AFP: variants seen among roughly 807,000 people sequenced by gnomAD.
AFP encodes alpha fetoprotein, also known as alpha-fetoprotein.
Under a neutral mutation model 78.9 loss-of-function variants are expected in AFP, and 64 were observed. That is an observed-to-expected ratio of 0.81 (90% CI 0.66 to 1.00). AFP has a LOEUF of 1.00. Among genes scored for constraint, AFP ranks in the 50% least tolerant of loss-of-function variants. AFP has a pLI of 0.00. For missense variants in AFP, 689 were observed against 703.8 expected (o/e 0.98, Z 0.24); for synonymous variants, 254 against 243.8 (o/e 1.04, Z -0.39).
chr4:73,450,900 T>A, intron 11 of AFP, 147 bp downstream of exon 11: 1 of 1,344,180 alleles, frequency 7.4e-7, no homozygotes, highest in Non-Finnish European at 1.0e-6. Context: ...TGGAGGGGTG[T>A]GAGAACCCAG....
intron 12 of AFP, 132 bp downstream of exon 12, chr4:73,452,756 T>A: frequency 1.3e-6 from 1 of 796,666 alleles, no homozygotes; most frequent in South Asian, 1.5e-5. Context: ...AAAATGCCTT[T>A]GAAAATAGTT....
chr4:73,452,366 A>G (rs1239655660), intron 11 of AFP, 35 bp from the exon 12 acceptor site: 11 of 1,584,966 alleles, frequency 6.9e-6, no homozygotes, highest in Middle Eastern at 1.7e-4. Context: ...CTAATGCCCA[A>G]TCTCCTTACT....
intron 10 of AFP, 44 bp downstream of exon 10, chr4:73,450,177 A>C: frequency 1.4e-6 from 2 of 1,430,454 alleles, no homozygotes; most frequent in Non-Finnish European, 1.9e-6. Flanking sequence ...AAAATTATTA[A>C]AGAGAATGTA....
intron 4 of AFP, 83 bp downstream of exon 4, chr4:73,440,896 ATGTAC>A (rs1719642049): frequency 8.0e-7 from 1 of 1,252,856 alleles, no homozygotes; most frequent in African/African-American, 1.5e-5. Context: ...CAATGTACTC[ATGTAC>A]TCCCAGTAAG....
intron 3 of AFP, among the ~76,000 whole-genome samples, chr4:73,439,085 C>A (rs1331038045): frequency 6.6e-6 from 1 of 152,078 alleles, no homozygotes; most frequent in Admixed American, 6.6e-5. Flanking sequence ...CAAACAACAA[C>A]AAAACATAAT....
chr4:73,437,663 A>G (rs1185260600), intron 2 of AFP, among the ~76,000 whole-genome samples: 4 of 152,054 alleles, frequency 2.6e-5, no homozygotes, highest in African/African-American at 9.7e-5. Context: ...CATTTTAAAA[A>G]TTTCTAACAA....
chr4:73,442,608 T>C (rs2149333952), intron 5 of AFP, among the ~76,000 whole-genome samples, 180 bp downstream of exon 5: 1 of 152,290 alleles, frequency 6.6e-6, no homozygotes, highest in Non-Finnish European at 1.5e-5. Context: ...TTTTATTATC[T>C]ATTCATTAAG....
chr4:73,443,576 A>G (rs1719737647), intron 6 of AFP, 132 bp downstream of exon 6: 1 of 705,474 alleles, frequency 1.4e-6, no homozygotes, highest in African/African-American at 1.8e-5. Context: ...ATGAGGGCTA[A>G]TGGGATTAGA....
intron 14 of AFP, 159 bp downstream of exon 14, chr4:73,455,449 C>T (rs1245549989): frequency 1.5e-6 from 1 of 679,076 alleles, no homozygotes. Context: ...ATTACGCACA[C>T]AATGTTAAAT....
chr4:73,438,189 T>G lies in AFP; in HGVS notation c.153T>G (p.Phe51Leu). The change falls in exon 3 of 15, where the codon TTT (phenylalanine) becomes TTG (leucine). Residue 51 changes from phenylalanine (F) to leucine (L), a missense_variant. By Grantham distance (22) the Phe-to-Leu change is conservative. Transcript: ENST00000395792. Reference protein sequence around the residue: ...ISLADLATIFFAQFVQEATYK... With the variant: ...ISLADLATIFLAQFVQEATYK... Reference sequence around the variant, plus strand: ...TTTGTTTCAGGGCTACCATATTTTTTGCCCAGTTTGTTCAAGAAGCCACTT... The same window carrying G: ...TTTGTTTCAGGGCTACCATATTTTTGGCCCAGTTTGTTCAAGAAGCCACTT... 6.2e-7 allele frequency: 1 copy of G among 1,613,444 alleles called. No individual in the cohort carries two copies. The highest frequency in any genetic ancestry group is 2.2e-5 in the East Asian group (1 of 44,802).
Position 73,440,955 on chromosome 4 carries a change from C to CAAGGT in AFP, c.482+145_482+149dup. On this transcript the variant is annotated intron_variant, in intron 4 of 14. Transcript: ENST00000395792. ...GTGTTGTGTCTGCTGAGGTCCCAGA[C>CAAGGT]AAGGTAATTAGGAGAGCAACATTCA... The CAAGGT allele has an allele frequency of 1.9e-5, 15 of 775,332 alleles. No homozygotes were observed. In the South Asian group the frequency reaches 2.8e-4, roughly 15 times the overall value. The allele number at this position is 775,332 out of a possible 1,614,324, so 48.0% of individuals were successfully genotyped here.
chr4:73,450,287 G>A (rs1719951735), intron 10 of AFP, among the ~76,000 whole-genome samples, 154 bp downstream of exon 10: 2 of 152,192 alleles, frequency 1.3e-5, no homozygotes, highest in African/African-American at 4.8e-5. Flanking sequence ...AATTTTTGCA[G>A]TAAAGATATC....
intron 8 of AFP, among the ~76,000 whole-genome samples, chr4:73,448,913 G>A (rs908594586): frequency 2.6e-5 from 4 of 151,676 alleles, no homozygotes; most frequent in East Asian, 1.9e-4. Context: ...TTGATTTATC[G>A]CTAACTGAAA....
rs747520557 is a variant in AFP at position 73,443,315 on chromosome 4, C to T, written c.616-32C>T. Reference sequence around the variant, plus strand: ...CTTGTAAAGAAAATGTTAGTATATGCTTTCATGACATTTTGTTTCCTCTAC... The same window carrying T: ...CTTGTAAAGAAAATGTTAGTATATGTTTTCATGACATTTTGTTTCCTCTAC... On this transcript the variant is annotated intron_variant, in intron 5 of 14. Coordinates refer to ENST00000395792, the MANE Select transcript of AFP (RefSeq NM_001134.3). The T allele has an allele frequency of 6.0e-6, 9 of 1,499,242 alleles. No individual in the cohort carries two copies. In the African/African-American group the frequency reaches 6.9e-5, roughly 11 times the overall value. The allele number at this position is 1,499,242 out of a possible 1,614,324, so 92.9% of individuals were successfully genotyped here. A position where few individuals can be genotyped will look rare whatever the true frequency, so the allele number is the denominator to read the frequency against.
chr4:73,437,148 T>C lies in AFP; in HGVS notation c.86-12T>C, dbSNP rs767155705. The C allele has an allele frequency of 1.9e-6, 3 of 1,606,146 alleles. No individual in the cohort carries two copies. Among genetic ancestry groups the C allele is most frequent in the Non-Finnish European group, 2.6e-6 (3 of 1,173,316 alleles). ...TGAAAACACGTTTCATGAAGTTTAT[T>C]TTGCTTTCCAGCTTCCATATTGGAT... On this transcript the variant is annotated splice_polypyrimidine_tract_variant and intron_variant, in intron 1 of 14. Coordinates refer to ENST00000395792, the MANE Select transcript of AFP (RefSeq NM_001134.3).
chr4:73,452,410 A>G lies in AFP; in HGVS notation c.1438A>G (p.Ile480Val), dbSNP rs1351233294. The change falls in exon 12 of 15, where the codon ATT (isoleucine) becomes GTT (valine). Residue 480 changes from isoleucine (I) to valine (V), a missense_variant. Ile to Val is a conservative substitution (Grantham distance 29, BLOSUM62 3). Transcript: ENST00000395792. ...TCATTCTCCTAACCAGGCTGACATT[A>G]TTATCGGACACTTATGTATCAGACA... The part of the protein sequence containing the change: ...LACGEGAADI[I>V]IGHLCIRHEM... 2 of 1,613,790 alleles carry G rather than the reference A, an allele frequency of 1.2e-6. No individual in the cohort carries two copies. Among genetic ancestry groups the G allele is most frequent in the South Asian group, 1.1e-5 (1 of 91,082 alleles).
intron 10 of AFP, 57 bp downstream of exon 10, chr4:73,450,190 C>T: frequency 2.3e-6 from 3 of 1,295,728 alleles, no homozygotes; most frequent in Non-Finnish European, 3.3e-6. Context: ...AGAATGTAGC[C>T]TTCCCCATTC....
chr4:73,440,855 C>T, intron 4 of AFP, 42 bp downstream of exon 4: 1 of 1,551,270 alleles, frequency 6.4e-7, no homozygotes, highest in East Asian at 2.3e-5. Context: ...CTCAGAAACA[C>T]AGCAATGGCA....
At chr4:73,450,222 A>G in intron 10 of AFP, 89 bp downstream of exon 10, 1 of 1,122,346 alleles carries the variant, frequency 8.9e-7, no homozygotes, top group Non-Finnish European at 1.3e-6. Context: ...AAGCAACAAG[A>G]ATGACCTGTG....
Sources: gnomAD v4.1 joint callset for allele counts (sites outside exome capture counted in the v4.1 genomes callset) on GRCh38, gnomAD v4.1.1 for gene constraint, MANE v1.5 for transcripts, NCBI Gene and HGNC (gene_info 2026-07-23, HGNC 2026-07-21) for gene names.